The following PRKG1 variants were observed in gnomAD, a reference collection of about 807,000 sequenced individuals.
PRKG1 encodes protein kinase cGMP-dependent 1.
Under a neutral mutation model 88.1 loss-of-function variants are expected in PRKG1, and 35 were observed. That is an observed-to-expected ratio of 0.40 (90% CI 0.30 to 0.53). PRKG1 has a LOEUF of 0.53. Ranked by LOEUF, PRKG1 falls within the 20% of genes least tolerant of loss-of-function variation. The pLI is 0.59. For missense variants in PRKG1, 540 were observed against 839.8 expected (o/e 0.64, Z 4.41); for synonymous variants, 303 against 292.5 (o/e 1.04, Z -0.37).
At chr10:51,544,715 C>G (rs1220876337) in intron 3 of PRKG1, among the ~76,000 whole-genome samples, 1 of 152,128 alleles carries the variant, frequency 6.6e-6, no homozygotes, top group Non-Finnish European at 1.5e-5. Flanking sequence ...TCTCCAGCAC[C>G]TGTTGTTTCC....
At chr10:51,587,460 T>C (rs192744873) in intron 3 of PRKG1, among the ~76,000 whole-genome samples, 15 of 152,100 alleles carry the variant, frequency 9.9e-5, no homozygotes, top group Admixed American at 3.9e-4. Flanking sequence ...CCATAGAGAG[T>C]CTATGTTTTT....
chr10:51,880,366 G>T (rs1222353082), intron 4 of PRKG1, among the ~76,000 whole-genome samples: 1 of 152,018 alleles, frequency 6.6e-6, no homozygotes, highest in Non-Finnish European at 1.5e-5. Flanking sequence ...GCAAGGTCTG[G>T]GGTGGAAATC....
At chr10:51,228,018 G>T (rs998451162) in intron 2 of PRKG1, among the ~76,000 whole-genome samples, 1 of 151,856 alleles carries the variant, frequency 6.6e-6, no homozygotes, top group Non-Finnish European at 1.5e-5. Flanking sequence ...TTTGGAGGGG[G>T]TGGGGAGAAT....
At chr10:51,481,671 C>G (rs972473741) in intron 3 of PRKG1, among the ~76,000 whole-genome samples, 6 of 151,958 alleles carry the variant, frequency 3.9e-5, no homozygotes, top group Middle Eastern at 3.4e-3. Context: ...TCTCTCAGTT[C>G]TTGCTTTTAT....
chr10:51,633,412 T>C (rs1328142788), intron 3 of PRKG1, among the ~76,000 whole-genome samples: 9 of 152,194 alleles, frequency 5.9e-5, no homozygotes, highest in African/African-American at 2.2e-4. Context: ...ATATAAAGCA[T>C]TGCAAACTCA....
At chr10:51,760,477 T>TTG (rs1554839423) in intron 3 of PRKG1, among the ~76,000 whole-genome samples, 28 of 120,964 alleles carry the variant, frequency 2.3e-4, no homozygotes, top group Admixed American at 2.4e-4. Context: ...TTTTCGTTTT[T>TTG]TTTTTTTTTT....
At chr10:51,664,836 G>A (rs895151318) in intron 3 of PRKG1, among the ~76,000 whole-genome samples, 1 of 152,112 alleles carries the variant, frequency 6.6e-6, no homozygotes, top group Non-Finnish European at 1.5e-5. Flanking sequence ...AATATAATTA[G>A]GAGGGTAAAA....
chr10:52,042,749 G>T (rs1845780208), intron 5 of PRKG1, among the ~76,000 whole-genome samples: 1 of 152,138 alleles, frequency 6.6e-6, no homozygotes, highest in African/African-American at 2.4e-5. Flanking sequence ...AAAAGCTTCT[G>T]CCCAGCAGGG....
chr10:52,029,394 A>T (rs2133206820), intron 5 of PRKG1, among the ~76,000 whole-genome samples: 1 of 152,306 alleles, frequency 6.6e-6, no homozygotes, highest in Non-Finnish European at 1.5e-5. Flanking sequence ...TCTCTCCACC[A>T]AGCTCACAGT....
chr10:51,247,224 T>C (rs1267864349), intron 2 of PRKG1, among the ~76,000 whole-genome samples: 4 of 152,038 alleles, frequency 2.6e-5, no homozygotes, highest in African/African-American at 7.2e-5. Context: ...TAGTTTTTGG[T>C]GCACTGGGAA....
intron 1 of PRKG1, among the ~76,000 whole-genome samples, chr10:51,121,516 A>C (rs1366120784): frequency 6.6e-6 from 1 of 152,226 alleles, no homozygotes; most frequent in Non-Finnish European, 1.5e-5. Context: ...GATAACATTC[A>C]TGAAGTACTG....
At chr10:51,756,014 C>T (rs375798308) in intron 3 of PRKG1, among the ~76,000 whole-genome samples, 10 of 152,126 alleles carry the variant, frequency 6.6e-5, no homozygotes, top group African/African-American at 1.7e-4. Flanking sequence ...TCCTGGATCA[C>T]GCTTTTGAGA....
intron 5 of PRKG1, among the ~76,000 whole-genome samples, chr10:51,938,832 G>C (rs1296782410): frequency 6.6e-6 from 1 of 151,902 alleles, no homozygotes; most frequent in Non-Finnish European, 1.5e-5. Flanking sequence ...CCTTCATCAG[G>C]TAAAATGGGA....
Position 52,296,172 on chromosome 10 carries a change from G to T in PRKG1, c.*2272G>T, listed in dbSNP as rs572027825. ...AAATTTACCTTGTTATTTGGAAAGA[G>T]AATCTGCTCCTATAACGTTTTAAAA... is the stretch of plus-strand genomic sequence containing the variant. On this transcript the variant is annotated 3_prime_UTR_variant, in exon 18 of 18. Transcript: ENST00000373980. The T allele has an allele frequency of 8.5e-5, 13 of 152,170 alleles. No homozygotes were observed. The South Asian group carries it at 2.7e-3, about 32-fold the overall frequency. The allele number at this position is 152,170 out of a possible 1,614,324, so 9.4% of individuals were successfully genotyped here. A position where few individuals can be genotyped will look rare whatever the true frequency, so the allele number is the denominator to read the frequency against.
At chr10:51,188,937 G>T (rs938538177) in intron 2 of PRKG1, among the ~76,000 whole-genome samples, 1 of 151,930 alleles carries the variant, frequency 6.6e-6, no homozygotes, top group Non-Finnish European at 1.5e-5. Flanking sequence ...CAGAGTGTCT[G>T]CAGTTTAGCT....
At chr10:51,464,763 C>T (rs1002941091) in intron 2 of PRKG1, among the ~76,000 whole-genome samples, 2 of 149,252 alleles carry the variant, frequency 1.3e-5, no homozygotes, top group Non-Finnish European at 3.0e-5. Context: ...TAGTGGCGGG[C>T]GCCTGTAGTC....
intron 2 of PRKG1, among the ~76,000 whole-genome samples, chr10:51,447,651 G>C (rs186951938): frequency 6.6e-5 from 10 of 151,290 alleles, no homozygotes; most frequent in Admixed American, 6.6e-4. Flanking sequence ...TTCATCTGCA[G>C]TTTCTATGAC....
chr10:51,236,922 T>C (rs1839010077), intron 2 of PRKG1, among the ~76,000 whole-genome samples: 1 of 152,184 alleles, frequency 6.6e-6, no homozygotes, highest in Admixed American at 6.6e-5. Flanking sequence ...TTTATCCCAG[T>C]AGAGTTCTGG....
At chr10:51,727,309 A>G (rs1234752316) in intron 3 of PRKG1, among the ~76,000 whole-genome samples, 1 of 146,660 alleles carries the variant, frequency 6.8e-6, no homozygotes, top group Non-Finnish European at 1.5e-5. Context: ...TATTTTTTTT[A>G]CTTTTCTCAG....
Sources: allele counts gnomAD v4.1 joint callset (sites outside exome capture counted in the v4.1 genomes callset), GRCh38; gene constraint gnomAD v4.1.1; transcripts MANE v1.5; gene names NCBI Gene and HGNC (gene_info 2026-07-23, HGNC 2026-07-21).